NUP37: variants seen among roughly 807,000 people sequenced by gnomAD.
The protein encoded by NUP37 is nucleoporin 37.
Under a neutral mutation model 45.4 loss-of-function variants are expected in NUP37, and 33 were observed. That is an observed-to-expected ratio of 0.73 (90% CI 0.55 to 0.97). The LOEUF is 0.97. Among genes scored for constraint, NUP37 ranks in the 50% least tolerant of loss-of-function variants. The probability of loss-of-function intolerance (pLI) is 0.00; values close to 1 mark genes in which losing one functional copy is unlikely to be tolerated. For synonymous variants in NUP37, 127 were observed against 130.7 expected (o/e 0.97, Z 0.19); for missense variants, 365 against 389.7 (o/e 0.94, Z 0.53).
intron 5 of NUP37, among the ~76,000 whole-genome samples, chr12:102,094,123 G>T (rs559999209): frequency 9.2e-5 from 14 of 152,096 alleles, no homozygotes; most frequent in Non-Finnish European, 1.3e-4. Context: ...TTCTTTTAAC[G>T]ACAAAGAATC....
At chr12:102,074,917 A>C in intron 9 of NUP37, 84 bp downstream of exon 9, 3 of 724,494 alleles carry the variant, frequency 4.1e-6, no homozygotes, top group Non-Finnish European at 6.5e-6. Context: ...AACAAATTAC[A>C]AATTTGGGGC....
At chr12:102,074,798 G>T (rs1264735608) in intron 9 of NUP37, 5 of 449,610 alleles carry the variant, frequency 1.1e-5, no homozygotes, top group Admixed American at 7.9e-5. Flanking sequence ...AAAAAAACCT[G>T]TTGTCACTGG....
chr12:102,115,846 G>A, intron 2 of NUP37: 1 of 976,870 alleles, frequency 1.0e-6, no homozygotes, highest in African/African-American at 1.7e-5. Flanking sequence ...GAAACTGGGT[G>A]CAATGGAACT....
intron 5 of NUP37, among the ~76,000 whole-genome samples, chr12:102,098,205 C>T (rs11111163): frequency 0.19 from 29,194 of 152,112 alleles, 2,856 homozygotes; most frequent in Non-Finnish European, 0.21. Flanking sequence ...TTTCCACCTG[C>T]TATTCTTCCT....
At chr12:102,078,618 G>T (rs1879250809) in intron 6 of NUP37, among the ~76,000 whole-genome samples, 1 of 152,186 alleles carries the variant, frequency 6.6e-6, no homozygotes, top group South Asian at 2.1e-4. Flanking sequence ...TGACTGCCAT[G>T]TGACTGGCAG....
chr12:102,102,007 G>A (rs1165085916), intron 3 of NUP37, among the ~76,000 whole-genome samples: 1 of 152,168 alleles, frequency 6.6e-6, no homozygotes, highest in African/African-American at 2.4e-5. Context: ...TTACAGGCAT[G>A]AGCCACTGCG....
chr12:102,108,626 C>T (rs945633947), intron 3 of NUP37, among the ~76,000 whole-genome samples: 2 of 151,486 alleles, frequency 1.3e-5, no homozygotes, highest in African/African-American at 4.9e-5. Context: ...TGTTTAAACA[C>T]GTATGTTATA....
At chr12:102,110,336 CA>C (rs1351226264) in intron 3 of NUP37, among the ~76,000 whole-genome samples, 1 of 144,564 alleles carries the variant, frequency 6.9e-6, no homozygotes, top group Non-Finnish European at 1.5e-5. Flanking sequence ...CCCATCACTG[CA>C]AAAAATACAA....
chr12:102,101,494 T>C (rs1879970707), intron 3 of NUP37, among the ~76,000 whole-genome samples: 1 of 152,182 alleles, frequency 6.6e-6, no homozygotes, highest in South Asian at 2.1e-4. Context: ...AAAAATATTG[T>C]TATACATCTA....
intron 9 of NUP37, 79 bp downstream of exon 9, chr12:102,074,922 T>C: frequency 4.0e-6 from 3 of 748,674 alleles, no homozygotes; most frequent in Non-Finnish European, 6.3e-6. Context: ...ATTACAAATT[T>C]GGGGCTATGA....
chr12:102,112,534 C>T lies in NUP37; in HGVS notation c.157-302G>A, dbSNP rs117534677. ...CTGCTTGGTCAGGCGTGTTGGCTCA[C>T]GTCTATAATCCCAACACTTTGCGGG... On this transcript the variant is annotated intron_variant, in intron 2 of 9. Coordinates refer to ENST00000552283, the MANE Select transcript of NUP37 (RefSeq NM_024057.4). 9.7e-3 allele frequency among the ~76,000 whole-genome samples: 1,482 copies of T among 152,204 alleles called. 14 individuals carry two copies. Among genetic ancestry groups the T allele is most frequent in the Non-Finnish European group, 0.015 (1,030 of 68,006 alleles).
chr12:102,105,634 T>C (rs886244228), intron 3 of NUP37, among the ~76,000 whole-genome samples: 1 of 151,652 alleles, frequency 6.6e-6, no homozygotes, highest in African/African-American at 2.4e-5. Flanking sequence ...GTGGCCAAGG[T>C]GGGTGGATCA....
rs575661450 is a variant in NUP37 at position 102,120,077 on chromosome 12, C to T, written c.-93G>A. On this transcript the variant is annotated 5_prime_UTR_variant, in exon 1 of 10. Transcript: ENST00000552283. ...CAGAGCGCCAGGAACCGACCAGAGG[C>T]AGGCTGGTCTTCCTTGGGGGCTGCC... 193 of 158,960 alleles carry T rather than the reference C, an allele frequency of 1.2e-3. 3 individuals are homozygous for T. The highest frequency in any genetic ancestry group is 4.6e-3 in the South Asian group (30 of 6,542). 9.8% of individuals were successfully genotyped at this position (158,960 alleles called of 1,614,324 possible).
chr12:102,083,921 A>G (rs1349510169), intron 6 of NUP37, among the ~76,000 whole-genome samples: 2 of 152,224 alleles, frequency 1.3e-5, no homozygotes, highest in Non-Finnish European at 2.9e-5. Flanking sequence ...GTGGAGACTG[A>G]CTGAGATTAT....
intron 3 of NUP37, among the ~76,000 whole-genome samples, chr12:102,106,165 C>G (rs1192463149): frequency 6.6e-6 from 1 of 152,158 alleles, no homozygotes; most frequent in Non-Finnish European, 1.5e-5. Flanking sequence ...TGGATTCTCC[C>G]TCAGAGCCTA....
chr12:102,075,779 C>T (rs1879149208), intron 8 of NUP37, among the ~76,000 whole-genome samples: 1 of 152,096 alleles, frequency 6.6e-6, no homozygotes, highest in South Asian at 2.1e-4. Context: ...TAACTTTGTT[C>T]AGGGCACAGT....
chr12:102,077,157 G>T, intron 7 of NUP37, 165 bp downstream of exon 7: 1 of 698,152 alleles, frequency 1.4e-6, no homozygotes, highest in South Asian at 1.8e-5. Context: ...AATCTGCATA[G>T]CAAGTTTATG....
chr12:102,117,252 G>A (rs1880490647), intron 2 of NUP37, among the ~76,000 whole-genome samples: 1 of 151,764 alleles, frequency 6.6e-6, no homozygotes. Flanking sequence ...TCAGGAGTTC[G>A]AGACCAGTCT....
At chr12:102,116,409 T>A (rs1330410644) in intron 2 of NUP37, among the ~76,000 whole-genome samples, 1 of 152,236 alleles carries the variant, frequency 6.6e-6, no homozygotes, top group Non-Finnish European at 1.5e-5. Flanking sequence ...AAATGGTTTT[T>A]CCTCAGTCTT....
Sources: gnomAD v4.1 joint callset for allele counts (sites outside exome capture counted in the v4.1 genomes callset) on GRCh38, gnomAD v4.1.1 for gene constraint, MANE v1.5 for transcripts, NCBI Gene and HGNC (gene_info 2026-07-23, HGNC 2026-07-21) for gene names.